Variants in KIAA1217 observed in about 807,000 individuals in gnomAD.
KIAA1217 encodes the protein sickle tail protein homolog.
A neutral mutation model predicts 163.9 loss-of-function variants in KIAA1217; 88 were observed. The observed-to-expected ratio is 0.54, with a 90% confidence interval of 0.45 to 0.64. The LOEUF is 0.64. Ranked by LOEUF, KIAA1217 falls within the 30% of genes least tolerant of loss-of-function variation. KIAA1217 has a pLI of 0.00. For missense variants in KIAA1217, 2,372 were observed against 2,475.0 expected (o/e 0.96, Z 0.88); for synonymous variants, 903 against 923.1 (o/e 0.98, Z 0.39).
At chr10:24,085,918 G>T (rs977611016) in intron 2 of KIAA1217, among the ~76,000 whole-genome samples, 6 of 151,890 alleles carry the variant, frequency 4.0e-5, no homozygotes, top group Non-Finnish European at 7.4e-5. Flanking sequence ...GGCTGCGGTG[G>T]GCCAAGATTA....
At chr10:23,804,695 T>C (rs1836653129) in intron 1 of KIAA1217, among the ~76,000 whole-genome samples, 1 of 152,206 alleles carries the variant, frequency 6.6e-6, no homozygotes, top group Non-Finnish European at 1.5e-5. Flanking sequence ...ATATGCTTTA[T>C]ACAGCATATG....
chr10:24,437,977 C>A lies in KIAA1217; in HGVS notation c.753-409C>A, dbSNP rs376014534. ...TACATTCATTAGATAAGCAGCAAAC[C>A]AGGTGTTTGGGAAAAGTAAACAATT... On this transcript the variant is annotated intron_variant, in intron 4 of 20. Transcript: ENST00000376454. 5.4e-5 allele frequency among the ~76,000 whole-genome samples: 8 copies of A among 148,268 alleles called. 1 individual carries two copies. The highest frequency in any genetic ancestry group is 1.7e-4 in the African/African-American group (7 of 40,350).
intron 1 of KIAA1217, among the ~76,000 whole-genome samples, chr10:23,721,159 C>T (rs1009522390): frequency 2.0e-5 from 3 of 152,174 alleles, no homozygotes; most frequent in South Asian, 2.1e-4. Context: ...TTTCCCTGAG[C>T]GTGTGCCCTT....
intron 5 of KIAA1217, chr10:24,449,371 C>T (rs2061218728): frequency 1.4e-6 from 1 of 692,550 alleles, no homozygotes; most frequent in Non-Finnish European, 1.8e-6. Context: ...CAACATGAGC[C>T]ATATTGTATT....
intron 2 of KIAA1217, among the ~76,000 whole-genome samples, chr10:24,332,062 A>G (rs2133574865): frequency 6.6e-6 from 1 of 152,314 alleles, no homozygotes; most frequent in South Asian, 2.1e-4. Flanking sequence ...TGGCCTCCCA[A>G]AGTGCTAGGA....
intron 2 of KIAA1217, chr10:24,239,182 T>A (rs1216746987): frequency 2.4e-5 from 24 of 985,170 alleles, no homozygotes; most frequent in Non-Finnish European, 2.9e-5. Flanking sequence ...AGAGTTTCAC[T>A]GGGAAAAACT....
intron 14 of KIAA1217, among the ~76,000 whole-genome samples, chr10:24,528,322 GT>G (rs374557035): frequency 1.6e-4 from 22 of 134,486 alleles, no homozygotes; most frequent in Middle Eastern, 3.7e-3. Context: ...TTTTTTTTTT[GT>G]TTTTTTTTTT....
At chr10:24,544,528 A>G (rs2075483006) in intron 19 of KIAA1217, 47 bp downstream of exon 19, 1 of 1,547,260 alleles carries the variant, frequency 6.5e-7, no homozygotes, top group Non-Finnish European at 8.7e-7. Context: ...GCTTTCCTAA[A>G]TCTGCCATAA....
chr10:24,053,279 A>G (rs1849648363), intron 2 of KIAA1217, among the ~76,000 whole-genome samples: 1 of 152,142 alleles, frequency 6.6e-6, no homozygotes, highest in South Asian at 2.1e-4. Flanking sequence ...AACTTTTGTT[A>G]TATTTTGTAT....
At chr10:23,835,591 T>C (rs1406094720) in intron 1 of KIAA1217, among the ~76,000 whole-genome samples, 1 of 152,200 alleles carries the variant, frequency 6.6e-6, no homozygotes, top group Non-Finnish European at 1.5e-5. Context: ...TTTGGTCACA[T>C]TGGTATGTGT....
At chr10:23,984,100 A>G (rs1845876472) in intron 1 of KIAA1217, among the ~76,000 whole-genome samples, 1 of 152,212 alleles carries the variant, frequency 6.6e-6, no homozygotes, top group African/African-American at 2.4e-5. Context: ...AGGTAAAAGA[A>G]TATTCTTTGA....
At chr10:24,370,037 A>G (rs56061788) in intron 2 of KIAA1217, among the ~76,000 whole-genome samples, 27,597 of 152,016 alleles carry the variant, frequency 0.18, 3,030 homozygotes, top group African/African-American at 0.3. Context: ...AGGCCGAGGC[A>G]GGTAGATCAC....
At chr10:24,377,559 C>A (rs7070814) in intron 2 of KIAA1217, among the ~76,000 whole-genome samples, 4 of 151,924 alleles carry the variant, frequency 2.6e-5, no homozygotes, top group Admixed American at 6.6e-5. Flanking sequence ...TTGCTTCCCC[C>A]TTTTTTGGTA....
At chr10:24,378,355 G>A (rs994895673) in intron 2 of KIAA1217, among the ~76,000 whole-genome samples, 1 of 152,012 alleles carries the variant, frequency 6.6e-6, no homozygotes, top group Non-Finnish European at 1.5e-5. Context: ...GGCTGGGAGT[G>A]GGTAGCCCTG....
intron 5 of KIAA1217, among the ~76,000 whole-genome samples, chr10:24,463,381 C>T (rs1247734949): frequency 6.6e-6 from 1 of 152,160 alleles, no homozygotes; most frequent in Non-Finnish European, 1.5e-5. Context: ...TAGCCATAAG[C>T]TAACCGCTGA....
intron 1 of KIAA1217, among the ~76,000 whole-genome samples, chr10:23,881,983 A>T (rs1335111446): frequency 1.3e-5 from 2 of 151,964 alleles, no homozygotes; most frequent in Admixed American, 6.6e-5. Context: ...TGTGCTGCTT[A>T]TCTCTTTCAT....
intron 2 of KIAA1217, among the ~76,000 whole-genome samples, chr10:24,133,078 A>G (rs1053425197): frequency 1.3e-5 from 2 of 152,120 alleles, no homozygotes; most frequent in African/African-American, 2.4e-5. Flanking sequence ...GAGAAAAAAA[A>G]AAAAATGGAA....
chr10:24,309,340 ACGCG>A (rs67626862), intron 2 of KIAA1217, among the ~76,000 whole-genome samples: 27,856 of 139,912 alleles, frequency 0.2, 2,545 homozygotes, highest in African/African-American at 0.22. Context: ...AGGCGCGCGC[ACGCG>A]CGCGCGCACA....
chr10:23,754,172 A>G (rs1027092796), intron 1 of KIAA1217, among the ~76,000 whole-genome samples: 2 of 152,222 alleles, frequency 1.3e-5, no homozygotes, highest in Admixed American at 1.3e-4. Flanking sequence ...GAGACACTCA[A>G]TATTTGTTAA....
Sources: allele counts gnomAD v4.1 joint callset (sites outside exome capture counted in the v4.1 genomes callset), GRCh38; gene constraint gnomAD v4.1.1; transcripts MANE v1.5; gene names NCBI Gene and HGNC (gene_info 2026-07-23, HGNC 2026-07-21).